The following MTHFD1 variants were observed in gnomAD, a reference collection of about 807,000 sequenced individuals.
The protein encoded by MTHFD1 is C-1-tetrahydrofolate synthase, cytoplasmic.
MTHFD1 carries 44 observed loss-of-function variants against 110.3 expected under a neutral mutation model. That is an observed-to-expected ratio of 0.40 (90% CI 0.31 to 0.51). MTHFD1 has a LOEUF of 0.51. Among genes scored for constraint, MTHFD1 ranks in the 20% least tolerant of loss-of-function variants. The probability of loss-of-function intolerance (pLI) is 0.60; values close to 1 mark genes in which losing one functional copy is unlikely to be tolerated. For missense variants in MTHFD1, 909 were observed against 1,173.1 expected (o/e 0.77, Z 3.29); for synonymous variants, 402 against 428.8 (o/e 0.94, Z 0.77).
intron 24 of MTHFD1, among the ~76,000 whole-genome samples, chr14:64,452,226 C>T (rs138098400): frequency 3.4e-4 from 52 of 152,274 alleles, no homozygotes; most frequent in African/African-American, 1.2e-3. Flanking sequence ...ACCCGGGAGG[C>T]GGAGGTTGCA....
chr14:64,454,618 A>ATG, intron 25 of MTHFD1, 105 bp from the exon 26 acceptor site: 1 of 885,552 alleles, frequency 1.1e-6, no homozygotes, highest in East Asian at 2.5e-5. Context: ...AGGGAGTTGG[A>ATG]TGTTTCGAAT....
At chr14:64,430,353 C>A in intron 13 of MTHFD1, 123 bp downstream of exon 13, 1 of 905,360 alleles carries the variant, frequency 1.1e-6, no homozygotes, top group South Asian at 1.3e-5. Context: ...AGCTGGAGTG[C>A]AATGGCGCAA....
rs770362116 is a variant in MTHFD1, at chr14:64,431,753, C to G, written c.1420-34C>G. 20 of 1,599,922 alleles carry G rather than the reference C, an allele frequency of 1.3e-5. No homozygotes were observed. In the African/African-American group the frequency reaches 2.7e-4, roughly 21 times the overall value. ...ATGCAGGTAGCAAAGCAGTGGGGCT[C>G]CTCTCATTTTAAAGCCCCTTTCTTT... On this transcript the variant is annotated intron_variant, in intron 14 of 27. Coordinates refer to ENST00000652337, the MANE Select transcript of MTHFD1 (RefSeq NM_005956.4).
In MTHFD1 at chr14:64,426,141, C is replaced by T. The variant is rs776594145; in HGVS notation, c.1076C>T (p.Ala359Val). ...ACAAAGGCCAAAGTTCTGCTGTCAG[C>T]ACTAGAACGCCTGAAGCACCGGCCT... is the stretch of plus-strand genomic sequence containing the variant. ...GETKAKVLLS[A>V]LERLKHRPDG... Residue 359 changes from alanine to valine, a missense_variant, in exon 11 of 28, where the codon GCA becomes GTA. Coordinates refer to ENST00000652337, the MANE Select transcript of MTHFD1 (RefSeq NM_005956.4). 6.2e-7 allele frequency: 1 copy of T among 1,614,142 alleles called. No individual in the cohort carries two copies. The highest frequency in any genetic ancestry group is 1.1e-5 in the South Asian group (1 of 91,078).
intron 7 of MTHFD1, among the ~76,000 whole-genome samples, chr14:64,418,730 A>AT (rs1405663642): frequency 1.3e-5 from 2 of 151,208 alleles, no homozygotes; most frequent in African/African-American, 2.4e-5. Flanking sequence ...CTAATTTTGT[A>AT]TTTTTAGTAG....
rs2078472521 is a variant in MTHFD1, at chr14:64,456,286, A to T, written c.2718+1411A>T. Among the ~76,000 whole-genome samples, 3 of 152,220 alleles carry T rather than the reference A, an allele frequency of 2.0e-5. No homozygotes were observed. In the South Asian group the frequency reaches 6.2e-4, roughly 32 times the overall value. On this transcript the variant is annotated intron_variant, in intron 26 of 27. Coordinates refer to ENST00000652337, the MANE Select transcript of MTHFD1 (RefSeq NM_005956.4). ...TTAAGTTGGACCAAGGCGTTTCCAC[A>T]CATGATCAAATGGTTTAATCACTAT...
chr14:64,449,273 C>A, intron 23 of MTHFD1, 172 bp from the exon 24 acceptor site: 1 of 720,236 alleles, frequency 1.4e-6, no homozygotes, highest in Non-Finnish European at 2.4e-6. Context: ...AGGTAACTGG[C>A]CAAAAGTCAC....
intron 7 of MTHFD1, among the ~76,000 whole-genome samples, chr14:64,418,736 A>G (rs1238037506): frequency 7.1e-6 from 1 of 141,164 alleles, no homozygotes; most frequent in African/African-American, 2.7e-5. Flanking sequence ...TTGTATTTTT[A>G]GTAGAGACAA....
At chr14:64,445,865 G>C (rs930313144) in intron 22 of MTHFD1, among the ~76,000 whole-genome samples, 1 of 152,168 alleles carries the variant, frequency 6.6e-6, no homozygotes, top group Non-Finnish European at 1.5e-5. Flanking sequence ...TGGTTTTCAT[G>C]TGACTAGAGG....
intron 16 of MTHFD1, among the ~76,000 whole-genome samples, chr14:64,438,245 C>CTA (rs1370664825): frequency 6.6e-6 from 1 of 152,156 alleles, no homozygotes; most frequent in Non-Finnish European, 1.5e-5. Context: ...TTCCAGCCCT[C>CTA]TAATCATTTG....
intron 1 of MTHFD1, among the ~76,000 whole-genome samples, chr14:64,390,081 C>T (rs1189555923): frequency 2.0e-5 from 3 of 152,150 alleles, no homozygotes; most frequent in Non-Finnish European, 4.4e-5. Flanking sequence ...CCTGGAAACC[C>T]TGTTTCCTGC....
intron 26 of MTHFD1, among the ~76,000 whole-genome samples, chr14:64,457,459 C>CTT (rs35789478): frequency 5.1e-4 from 73 of 143,202 alleles, no homozygotes; most frequent in South Asian, 1.8e-3. Flanking sequence ...TTTTCTTTTC[C>CTT]TTTTTTTTTT....
chr14:64,449,642 C>A lies in MTHFD1; in HGVS notation c.2457+20C>A, dbSNP rs764030662. 6.2e-7 allele frequency: 1 copy of A among 1,612,536 alleles called. No individual in the cohort carries two copies. Among genetic ancestry groups the A allele is most frequent in the Non-Finnish European group, 8.5e-7 (1 of 1,179,594 alleles). The stretch of plus-strand genomic sequence containing the variant: ...CTCAAGGTGGGTGATTTGCTGTCTG[C>A]AAAAAAAGAAAAAAGACGAAAAGGG... On this transcript the variant is annotated intron_variant, in intron 24 of 27. Transcript: ENST00000652337.
chr14:64,392,231 G>A (rs958283141), intron 1 of MTHFD1, among the ~76,000 whole-genome samples: 5 of 152,218 alleles, frequency 3.3e-5, no homozygotes, highest in African/African-American at 1.2e-4. Flanking sequence ...GGCCCTGTGA[G>A]AAGCTGACCG....
At position 64,441,719 on chromosome 14, in the gene MTHFD1, C is replaced by G. The variant is rs1002444042; in HGVS notation, c.1884+266C>G. On this transcript the variant is annotated intron_variant, in intron 19 of 27. Coordinates refer to ENST00000652337, the MANE Select transcript of MTHFD1 (RefSeq NM_005956.4). Reference sequence around the variant, plus strand: ...TGCTCGGAAGGTTGAGGCAGAATGGCGTGAACCTGGGAGGCAGAGCTTGCA... The same window carrying G: ...TGCTCGGAAGGTTGAGGCAGAATGGGGTGAACCTGGGAGGCAGAGCTTGCA... 5.6e-6 allele frequency: 3 copies of G among 538,918 alleles called. No individual in the cohort carries two copies. In the South Asian group the frequency reaches 5.9e-5, roughly 11 times the overall value. The allele number at this position is 538,918 out of a possible 1,614,324, so 33.4% of individuals were successfully genotyped here.
At chr14:64,449,366 G>A (rs2078335040) in intron 23 of MTHFD1, 79 bp from the exon 24 acceptor site, 1 of 1,520,064 alleles carries the variant, frequency 6.6e-7, no homozygotes, top group African/African-American at 1.4e-5. Flanking sequence ...TAATTCACAT[G>A]AGGTTTAATG....
At chr14:64,457,561 T>C (rs1295926155) in intron 26 of MTHFD1, among the ~76,000 whole-genome samples, 3 of 151,928 alleles carry the variant, frequency 2.0e-5, no homozygotes, top group African/African-American at 4.8e-5. Context: ...GTTCAAGCGA[T>C]TCTCCTGCCT....
At position 64,439,164 on chromosome 14, in the gene MTHFD1, A is replaced by G; in HGVS notation, c.1666A>G (p.Thr556Ala). 2 of 1,613,494 alleles carry G rather than the reference A, an allele frequency of 1.2e-6. No homozygotes were observed. Among genetic ancestry groups the G allele is most frequent in the Non-Finnish European group, 1.7e-6 (2 of 1,179,388 alleles). Residue 556 changes from threonine to alanine, a missense_variant, in exon 17 of 28, where the codon ACA (threonine) becomes GCA (alanine). Transcript: ENST00000652337. The stretch of plus-strand genomic sequence containing the variant: ...ACAGGCTCCAACGGAGAAGGGTCAC[A>G]CACGGACGGTAACAATTTGTCCCTT... ...IGQAPTEKGHTRTAQFDISVA... is the reference protein window; with the variant it reads ...IGQAPTEKGHARTAQFDISVA...
intron 11 of MTHFD1, 101 bp downstream of exon 11, chr14:64,426,293 T>G: frequency 1.5e-6 from 2 of 1,378,272 alleles, no homozygotes. Context: ...TGCCTTTAAT[T>G]TGATTTTAGC....
Sources: gnomAD v4.1 joint callset for allele counts (sites outside exome capture counted in the v4.1 genomes callset) on GRCh38, gnomAD v4.1.1 for gene constraint, MANE v1.5 for transcripts, NCBI Gene and HGNC (gene_info 2026-07-23, HGNC 2026-07-21) for gene names.